Variants in CNTN5 observed in about 807,000 individuals in gnomAD.
CNTN5 encodes the protein contactin-5.
CNTN5 carries 77 observed loss-of-function variants against 129.1 expected under a neutral mutation model. The ratio of observed to expected loss-of-function variants is 0.60; its 90% CI spans 0.50 to 0.72. CNTN5 has a LOEUF of 0.72. Among genes scored for constraint, CNTN5 ranks in the 30% least tolerant of loss-of-function variants. The probability of loss-of-function intolerance (pLI) is 0.00; values close to 1 mark genes in which losing one functional copy is unlikely to be tolerated. For synonymous variants in CNTN5, 509 were observed against 465.6 expected (o/e 1.09, Z -1.20); for missense variants, 1,478 against 1,328.8 (o/e 1.11, Z -1.75).
chr11:99,710,857 T>A (rs1476419358), intron 3 of CNTN5, among the ~76,000 whole-genome samples: 1 of 151,934 alleles, frequency 6.6e-6, no homozygotes, highest in Non-Finnish European at 1.5e-5. Flanking sequence ...AAATTTTATG[T>A]ATCAACTTAG....
intron 2 of CNTN5, among the ~76,000 whole-genome samples, chr11:99,341,038 A>G (rs1197445181): frequency 6.6e-6 from 1 of 152,170 alleles, no homozygotes; most frequent in Non-Finnish European, 1.5e-5. Flanking sequence ...GATATCTTAT[A>G]AAGCATTTGC....
intron 2 of CNTN5, among the ~76,000 whole-genome samples, chr11:99,361,162 T>C (rs1057358864): frequency 6.6e-5 from 10 of 152,190 alleles, no homozygotes. Context: ...TCTATCAACG[T>C]CCTATTCACG....
chr11:99,865,397 TTATC>T (rs1948328668), intron 6 of CNTN5, among the ~76,000 whole-genome samples: 1 of 151,930 alleles, frequency 6.6e-6, no homozygotes, highest in African/African-American at 2.4e-5. Flanking sequence ...ATGTGTAATA[TTATC>T]TATTTTTAAA....
At chr11:99,469,242 T>A (rs1245493171) in intron 2 of CNTN5, among the ~76,000 whole-genome samples, 1 of 152,124 alleles carries the variant, frequency 6.6e-6, no homozygotes, top group Non-Finnish European at 1.5e-5. Context: ...AGTCAATGAA[T>A]ACGAAATTTG....
chr11:99,991,223 T>C (rs1393415234), intron 8 of CNTN5, among the ~76,000 whole-genome samples: 1 of 152,062 alleles, frequency 6.6e-6, no homozygotes, highest in East Asian at 1.9e-4. Context: ...ATCCCAGCAC[T>C]TTGGGAGGCC....
At chr11:99,695,305 C>A (rs183749960) in intron 3 of CNTN5, among the ~76,000 whole-genome samples, 1 of 151,864 alleles carries the variant, frequency 6.6e-6, no homozygotes, top group Non-Finnish European at 1.5e-5. Context: ...GAATCTAGGA[C>A]AGCAAGCAGG....
chr11:99,304,795 T>C (rs896467909), intron 1 of CNTN5, among the ~76,000 whole-genome samples: 1 of 152,192 alleles, frequency 6.6e-6, no homozygotes. Context: ...TGAAGTATGG[T>C]CATCTCTATT....
At chr11:100,277,137 T>C (rs1199781119) in intron 18 of CNTN5, among the ~76,000 whole-genome samples, 1 of 152,226 alleles carries the variant, frequency 6.6e-6, no homozygotes, top group Non-Finnish European at 1.5e-5. Context: ...ATCCATGTTG[T>C]TGCAAATGAC....
chr11:99,340,091 C>T (rs928158794), intron 2 of CNTN5, among the ~76,000 whole-genome samples: 22 of 152,030 alleles, frequency 1.4e-4, no homozygotes, highest in South Asian at 1.2e-3. Flanking sequence ...GCATAAAGGA[C>T]GATCCCAGTA....
intron 2 of CNTN5, among the ~76,000 whole-genome samples, chr11:99,472,319 G>T (rs984772095): frequency 1.2e-4 from 19 of 152,106 alleles, no homozygotes; most frequent in Non-Finnish European, 2.5e-4. Flanking sequence ...TTTTGTACAT[G>T]AGCAGTTTAT....
intron 3 of CNTN5, among the ~76,000 whole-genome samples, chr11:99,682,517 G>A (rs1953602217): frequency 6.6e-6 from 1 of 151,780 alleles, no homozygotes; most frequent in South Asian, 2.1e-4. Flanking sequence ...AAATACCAAA[G>A]TAATTTTTTA....
chr11:99,085,884 C>G (rs556076061), intron 1 of CNTN5, among the ~76,000 whole-genome samples: 2 of 152,186 alleles, frequency 1.3e-5, no homozygotes, highest in South Asian at 4.1e-4. Context: ...CAATGTATTA[C>G]CTTTTCTACG....
At chr11:99,422,381 C>A (rs1942927477) in intron 2 of CNTN5, among the ~76,000 whole-genome samples, 1 of 151,396 alleles carries the variant, frequency 6.6e-6, no homozygotes, top group Non-Finnish European at 1.5e-5. Flanking sequence ...ATAGTCTTTG[C>A]ATACACATTA....
At chr11:99,826,265 A>C (rs1482727615) in intron 4 of CNTN5, among the ~76,000 whole-genome samples, 1 of 152,192 alleles carries the variant, frequency 6.6e-6, no homozygotes, top group Non-Finnish European at 1.5e-5. Flanking sequence ...AAAATGTCTT[A>C]TAATGACATT....
intron 3 of CNTN5, among the ~76,000 whole-genome samples, chr11:99,773,535 A>G (rs987315459): frequency 6.6e-6 from 1 of 152,048 alleles, no homozygotes; most frequent in African/African-American, 2.4e-5. Flanking sequence ...CTGCAAATTA[A>G]TTTTTGAAGA....
At chr11:99,562,524 C>A (rs1948875127) in intron 3 of CNTN5, among the ~76,000 whole-genome samples, 1 of 152,042 alleles carries the variant, frequency 6.6e-6, no homozygotes, top group South Asian at 2.1e-4. Context: ...AACTGTGGTA[C>A]ATGTTTCATA....
chr11:100,025,133 C>T (rs2137583008), intron 9 of CNTN5, among the ~76,000 whole-genome samples: 1 of 152,308 alleles, frequency 6.6e-6, no homozygotes, highest in South Asian at 2.1e-4. Flanking sequence ...GTGGGCTGGG[C>T]CCAGAGCCAT....
At chr11:99,154,755 G>T (rs1485190272) in intron 1 of CNTN5, among the ~76,000 whole-genome samples, 1 of 152,186 alleles carries the variant, frequency 6.6e-6, no homozygotes, top group Admixed American at 6.5e-5. Flanking sequence ...GAGGCTACAA[G>T]TGGGCATGGC....
At chr11:99,107,200 G>A (rs960937638) in intron 1 of CNTN5, among the ~76,000 whole-genome samples, 1 of 152,092 alleles carries the variant, frequency 6.6e-6, no homozygotes, top group African/African-American at 2.4e-5. Context: ...TAATAGAAGA[G>A]AAATATGTTA....
Sources: allele counts gnomAD v4.1 joint callset (sites outside exome capture counted in the v4.1 genomes callset), GRCh38; gene constraint gnomAD v4.1.1; transcripts MANE v1.5; gene names NCBI Gene and HGNC (gene_info 2026-07-23, HGNC 2026-07-21).